Variants in CCDC88B observed in about 807,000 individuals in gnomAD.
CCDC88B encodes the protein coiled-coil domain-containing protein 88B.
CCDC88B carries 138 observed loss-of-function variants against 183.7 expected under a neutral mutation model. The ratio of observed to expected loss-of-function variants is 0.75; its 90% CI spans 0.65 to 0.87. The LOEUF is 0.87. Ranked by LOEUF, CCDC88B falls within the 40% of genes least tolerant of loss-of-function variation. The pLI, the probability that CCDC88B is intolerant of heterozygous loss-of-function variation, is 0.00. For synonymous variants in CCDC88B, 835 were observed against 867.5 expected (o/e 0.96, Z 0.66); for missense variants, 1,822 against 1,965.6 (o/e 0.93, Z 1.38).
chr11:64,355,606 C>T lies in CCDC88B; in HGVS notation c.4353C>T (p.His1451=), dbSNP rs151078431. The stretch of plus-strand genomic sequence containing the variant: ...ACTCCGCTGAGACCCTGCAGGAACA[C>T]GAAACAGATGCCAACCGAGAGGGTG... ...WENSAETLQE[H]ETDANREGPE... Residue 1451 remains histidine, a synonymous_variant, in exon 26 of 27, where the codon CAC becomes CAT. Transcript: ENST00000356786. 15 of 1,611,500 alleles carry T rather than the reference C, an allele frequency of 9.3e-6. No homozygotes were observed. The highest frequency in any genetic ancestry group is 8.8e-5 in the South Asian group (8 of 90,728).
chr11:64,355,849 T>C (rs767589412), intron 26 of CCDC88B: 3 of 469,848 alleles, frequency 6.4e-6, no homozygotes, highest in Non-Finnish European at 1.1e-5. Context: ...CCACTAGAAA[T>C]ATGGTGTGAA....
chr11:64,340,243 TGA>T lies in CCDC88B; in HGVS notation c.-21_-20del, dbSNP rs2035774536. 1 of 1,262,578 alleles carries T rather than the reference TGA, an allele frequency of 7.9e-7. No homozygotes were observed. The highest frequency in any genetic ancestry group is 1.5e-5 in the African/African-American group (1 of 64,564). 78.2% of individuals were successfully genotyped at this position (1,262,578 alleles called of 1,614,324 possible). A position where few individuals can be genotyped will look rare whatever the true frequency, so the allele number is the denominator to read the frequency against. On this transcript the variant is annotated 5_prime_UTR_variant, in exon 1 of 27. Transcript: ENST00000356786. ...CTCAGGGCAGGTGCAGCTGCCACAG[TGA>T]GACGGGCACCCCGACCCGGGCATGG... is the stretch of plus-strand genomic sequence containing the variant.
At chr11:64,346,859 A>G (rs771422599) in intron 14 of CCDC88B, among the ~76,000 whole-genome samples, 1 of 151,032 alleles carries the variant, frequency 6.6e-6, no homozygotes, top group Non-Finnish European at 1.5e-5. Context: ...TGGAGGCGTG[A>G]TCTCGGCTCA....
rs749278623 is a variant in CCDC88B, at chr11:64,349,365, TGGG to T, written c.2654_2656del (p.Gly885del). 1 of 1,612,392 alleles carries T rather than the reference TGGG, an allele frequency of 6.2e-7. No individual in the cohort carries two copies. The highest frequency in any genetic ancestry group is 8.5e-7 in the Non-Finnish European group (1 of 1,179,672). On this transcript the variant is annotated inframe_deletion, in exon 15 of 27. Transcript: ENST00000356786. ...AAAGCTGTGGTGCGGGGCAAGGAGTTGGGGGACCGGCTGGAGCATTTGCAGCGT... is the reference window on the plus strand; with the variant it reads ...AAAGCTGTGGTGCGGGGCAAGGAGTTGGACCGGCTGGAGCATTTGCAGCGT...
intron 25 of CCDC88B, 55 bp downstream of exon 25, chr11:64,355,455 C>A (rs1289777994): frequency 6.3e-7 from 1 of 1,582,366 alleles, no homozygotes; most frequent in Non-Finnish European, 8.6e-7. Flanking sequence ...GTGGACCCAC[C>A]AGCTCCTTGG....
chr11:64,349,038 C>T (rs75328618), intron 14 of CCDC88B: 19,169 of 717,424 alleles, frequency 0.027, 1,348 homozygotes, highest in African/African-American at 0.2. Context: ...CATGAAGAAC[C>T]GTGGGCTCAG....
Position 64,355,315 on chromosome 11 carries a change from GTCAT to G in CCDC88B, c.4225_4228del (p.Phe1409AlafsTer199). 1 of 1,595,970 alleles carries G rather than the reference GTCAT, an allele frequency of 6.3e-7. No homozygotes were observed. Among genetic ancestry groups the G allele is most frequent in the Non-Finnish European group, 8.5e-7 (1 of 1,172,090 alleles). ...GGTTCCCGGTGGGGCGAAGCTCTGA[GTCAT>G]TCAGCCCTGGGGACACCCCTAGGCA... On this transcript the variant is annotated frameshift_variant, in exon 25 of 27. Transcript: ENST00000356786. LOFTEE classifies it high-confidence loss of function.
chr11:64,341,088 A>T, intron 3 of CCDC88B, 21 bp from the exon 4 acceptor site: 3 of 1,614,062 alleles, frequency 1.9e-6, no homozygotes, highest in Non-Finnish European at 2.5e-6. Flanking sequence ...CGCCTCATAT[A>T]GTCTGCCTCT....
At chr11:64,342,178 G>A (rs1591275988) in intron 8 of CCDC88B, 39 bp downstream of exon 8, 1 of 1,599,342 alleles carries the variant, frequency 6.3e-7, no homozygotes, top group Admixed American at 1.7e-5. Context: ...TGAGTGGAGA[G>A]GGGCAGATTA....
chr11:64,347,984 A>T (rs2036178734), intron 14 of CCDC88B, among the ~76,000 whole-genome samples: 1 of 142,696 alleles, frequency 7.0e-6, no homozygotes, highest in African/African-American at 2.7e-5. Context: ...CAGGAGGCAG[A>T]GGTTGCAGTG....
intron 23 of CCDC88B, 55 bp from the exon 24 acceptor site, chr11:64,353,949 T>A: frequency 6.4e-7 from 1 of 1,550,776 alleles, no homozygotes; most frequent in East Asian, 2.3e-5. Flanking sequence ...CAGGACACCC[T>A]TTGCTCCCTC....
At chr11:64,341,549 C>T in intron 6 of CCDC88B, 45 bp downstream of exon 6, 1 of 1,611,332 alleles carries the variant, frequency 6.2e-7, no homozygotes, top group Middle Eastern at 1.7e-4. Context: ...GCACCTGGGA[C>T]GCCCTTGCCA....
intron 7 of CCDC88B, 77 bp downstream of exon 7, chr11:64,341,819 TG>T: frequency 6.6e-7 from 1 of 1,511,110 alleles, no homozygotes. Context: ...GCAAGGGAGA[TG>T]GAAGTTTGGG....
intron 3 of CCDC88B, 31 bp from the exon 4 acceptor site, chr11:64,341,078 C>A: frequency 1.2e-6 from 2 of 1,613,860 alleles, no homozygotes; most frequent in Middle Eastern, 1.7e-4. Flanking sequence ...TTCGGGAAGG[C>A]GCCTCATATA....
Position 64,354,052 on chromosome 11 carries a change from G to T in CCDC88B, c.3981G>T (p.Arg1327=), listed in dbSNP as rs1325244581. 1.2e-5 allele frequency: 17 copies of T among 1,448,786 alleles called. No individual in the cohort carries two copies. Among genetic ancestry groups the T allele is most frequent in the African/African-American group, 1.4e-5 (1 of 70,580 alleles). The allele number at this position is 1,448,786 out of a possible 1,614,324, so 89.7% of individuals were successfully genotyped here. The stretch of plus-strand genomic sequence containing the variant: ...AGGTGAAGAGGCTGATGCGGCCCCG[G>T]CGGGAGGGGGGCCCCCCTGGGGGGC... The part of the protein sequence containing the change: ...ADKVKRLMRP[R]REGGPPGGLR... Residue 1327 remains arginine, a synonymous_variant, in exon 24 of 27, where the codon CGG becomes CGT. Coordinates refer to ENST00000356786, the MANE Select transcript of CCDC88B (RefSeq NM_032251.6).
Position 64,354,096 on chromosome 11 carries a change from G to A in CCDC88B, c.4025G>A (p.Gly1342Glu). The part of the protein sequence containing the change: ...PPGGLRLGAD[G>E]AGSTESLGGP... ...GGGGGGCTGCGCCTGGGGGCCGATGGGGCTGGCAGCACCGAGAGCCTGGGG... is the reference window on the plus strand; with the variant it reads ...GGGGGGCTGCGCCTGGGGGCCGATGAGGCTGGCAGCACCGAGAGCCTGGGG... Residue 1342 changes from glycine to glutamate, a missense_variant, in exon 24 of 27, where the codon GGG (glycine) becomes GAG (glutamate). Gly to Glu is a moderately conservative substitution (Grantham distance 98). Coordinates refer to ENST00000356786, the MANE Select transcript of CCDC88B (RefSeq NM_032251.6). The A allele has an allele frequency of 1.4e-6, 2 of 1,409,032 alleles. No individual in the cohort carries two copies. Among genetic ancestry groups the A allele is most frequent in the Non-Finnish European group, 1.9e-6 (2 of 1,075,602 alleles). The allele number at this position is 1,409,032 out of a possible 1,614,324, so 87.3% of individuals were successfully genotyped here.
At position 64,342,558 on chromosome 11, in the gene CCDC88B, C is replaced by A. The variant is rs1464820878; in HGVS notation, c.940C>A (p.Leu314Met). 1 of 1,531,600 alleles carries A rather than the reference C, an allele frequency of 6.5e-7. No homozygotes were observed. Among genetic ancestry groups the A allele is most frequent in the African/African-American group, 1.4e-5 (1 of 72,906 alleles). The allele number at this position is 1,531,600 out of a possible 1,614,324, so 94.9% of individuals were successfully genotyped here. ...ALSGQAKRAE[L>M]YREEAEALRE... is the part of the protein sequence containing the mutation. Reference sequence around the variant, plus strand: ...GTCGGGACAGGCCAAGCGGGCCGAGCTGTACCGCGAGGAGGCAGAGGCGCT... The same window carrying A: ...GTCGGGACAGGCCAAGCGGGCCGAGATGTACCGCGAGGAGGCAGAGGCGCT... The change falls in exon 10 of 27, where the codon CTG becomes ATG. Residue 314 changes from leucine to methionine, a missense_variant. Transcript: ENST00000356786.
intron 14 of CCDC88B, chr11:64,348,844 G>C: frequency 1.7e-6 from 1 of 603,716 alleles, no homozygotes; most frequent in Non-Finnish European, 3.0e-6. Context: ...GCAGCATCCT[G>C]GCGCCCCCTG....
rs757336263 is a variant in CCDC88B, at chr11:64,354,136, G to A, written c.4065G>A (p.Thr1355=). 11 of 1,374,916 alleles carry A rather than the reference G, an allele frequency of 8.0e-6. No homozygotes were observed. The highest frequency in any genetic ancestry group is 4.0e-5 in the South Asian group (2 of 49,520). 85.2% of individuals were successfully genotyped at this position (1,374,916 alleles called of 1,614,324 possible). The change falls in exon 24 of 27, where the codon ACG becomes ACA. Residue 1355 remains threonine, a synonymous_variant. Transcript: ENST00000356786. ...AGAGCCTGGGGGGCCCCCCGGAGAC[G>A]GAGCTTCCTGAGGGCAGGGAGGCAG... ...STESLGGPPE[T]ELPEGREADG... is the part of the protein sequence containing the mutation.
Sources: gnomAD v4.1 joint callset for allele counts (sites outside exome capture counted in the v4.1 genomes callset) on GRCh38, gnomAD v4.1.1 for gene constraint, MANE v1.5 for transcripts, NCBI Gene and HGNC (gene_info 2026-07-23, HGNC 2026-07-21) for gene names.